PCDHA3: variants seen among roughly 807,000 people sequenced by gnomAD.
The protein encoded by PCDHA3 is protocadherin alpha 3, also known as protocadherin alpha-3.
A neutral mutation model predicts 62.2 loss-of-function variants in PCDHA3; 41 were observed. The observed-to-expected ratio is 0.66, with a 90% CI of 0.51 to 0.86. The LOEUF (loss-of-function observed/expected upper bound fraction) is 0.86, where lower values mean the gene tolerates loss of function less well. Among genes scored for constraint, PCDHA3 ranks in the 40% least tolerant of loss-of-function variants. The pLI is 0.00. For missense variants in PCDHA3, 1,304 were observed against 1,241.2 expected, an observed-to-expected ratio of 1.05 and a Z score of -0.76; for synonymous variants, 640 against 555.4, an observed-to-expected ratio of 1.15 and a Z score of -2.14.
chr5:140,829,503 G>A (rs2150169106), intron 1 of PCDHA3: 5 of 1,613,554 alleles, frequency 3.1e-6, no homozygotes, highest in Middle Eastern at 1.8e-4. Flanking sequence ...AACCCGCCGG[G>A]CTGCCACATC....
At chr5:140,909,505 G>A (rs2074548695) in intron 1 of PCDHA3, among the ~76,000 whole-genome samples, 1 of 152,168 alleles carries the variant, frequency 6.6e-6, no homozygotes. Flanking sequence ...GGATGTGGTG[G>A]GAATCACAAC....
intron 1 of PCDHA3, among the ~76,000 whole-genome samples, chr5:140,973,052 G>C (rs114678656): frequency 0.013 from 2,011 of 152,210 alleles, 55 homozygotes; most frequent in African/African-American, 0.046. Flanking sequence ...TAGTAGATTT[G>C]TCCAACAGTG....
chr5:140,858,784 T>C (rs1554152015), intron 1 of PCDHA3: 8 of 401,650 alleles, frequency 2.0e-5, no homozygotes, highest in Non-Finnish European at 3.6e-5. Context: ...TACTTCATGT[T>C]ATTTCATTTC....
chr5:140,815,311 A>G (rs2150039316), intron 1 of PCDHA3: 1 of 152,120 alleles, frequency 6.6e-6, no homozygotes, highest in African/African-American at 2.4e-5. Context: ...TGAGAATTGT[A>G]ATGCTATGTT....
chr5:140,969,385 C>T, intron 1 of PCDHA3: 1 of 1,598,120 alleles, frequency 6.3e-7, no homozygotes, highest in Non-Finnish European at 8.5e-7. Flanking sequence ...TTACACATCC[C>T]CCAATATCCT....
At chr5:140,877,766 C>T in intron 1 of PCDHA3, 2 of 1,614,186 alleles carry the variant, frequency 1.2e-6, no homozygotes, top group South Asian at 2.2e-5. Flanking sequence ...GAGAGCCCGC[C>T]CAAGACGGAC....
intron 1 of PCDHA3, chr5:140,967,749 C>A (rs1554229896): frequency 1.2e-6 from 2 of 1,614,172 alleles, no homozygotes; most frequent in Non-Finnish European, 1.7e-6. Context: ...TATGAGGAAG[C>A]CTCCTCCTAC....
At position 140,926,602 on chromosome 5, in the gene PCDHA3, C is replaced by T. The variant is rs1326525373; in HGVS notation, c.2395-52347C>T. 9 of 324,032 alleles carry T rather than the reference C, an allele frequency of 2.8e-5. No homozygotes were observed. The East Asian group carries it at 4.7e-4, about 17-fold the overall frequency. The allele number at this position is 324,032 out of a possible 1,614,324, so 20.1% of individuals were successfully genotyped here. On this transcript the variant is annotated intron_variant, in intron 1 of 3. Coordinates refer to ENST00000522353, the MANE Select transcript of PCDHA3 (RefSeq NM_018906.3). ...CCTCTCGCGCCCGGGCGGGCGGCCT[C>T]GTCTCTGCACCCCTAGGCGGCGCTG...
chr5:140,822,417 T>G lies in PCDHA3; in HGVS notation c.2394+18826T>G, dbSNP rs17844289. On this transcript the variant is annotated intron_variant, in intron 1 of 3. Transcript: ENST00000522353. Reference sequence around the variant, plus strand: ...AACACCGTTTATTAGTGATTGCAACTGATGGAGGAAAACCCGAACTAACAG... The same window carrying G: ...AACACCGTTTATTAGTGATTGCAACGGATGGAGGAAAACCCGAACTAACAG... 216 of 1,614,062 alleles carry G rather than the reference T, an allele frequency of 1.3e-4. 3 individuals carry two copies. The East Asian group carries it at 4.7e-3, about 35-fold the overall frequency.
At chr5:140,931,057 T>C (rs1554208231) in intron 1 of PCDHA3, among the ~76,000 whole-genome samples, 1 of 152,196 alleles carries the variant, frequency 6.6e-6, no homozygotes, top group Admixed American at 6.5e-5. Context: ...CAATGCTGTG[T>C]CTGGGACTAA....
intron 1 of PCDHA3, among the ~76,000 whole-genome samples, chr5:140,970,416 G>A (rs536181177): frequency 2.4e-4 from 36 of 152,326 alleles, no homozygotes; most frequent in African/African-American, 8.2e-4. Context: ...CTACAGTAAG[G>A]TGTAGAGGCA....
At chr5:140,890,526 ATCT>A (rs2062679933) in intron 1 of PCDHA3, among the ~76,000 whole-genome samples, 1 of 151,278 alleles carries the variant, frequency 6.6e-6, no homozygotes, top group Admixed American at 6.6e-5. Flanking sequence ...TCCTTTGTTG[ATCT>A]TCTTTTGAAA....
At chr5:140,928,293 G>A (rs782241081) in intron 1 of PCDHA3, 1 of 1,614,150 alleles carries the variant, frequency 6.2e-7, no homozygotes, top group South Asian at 1.1e-5. Flanking sequence ...TAGGCCGAGT[G>A]TTTGCCCAGG....
rs2150160897 is a variant in PCDHA3, at chr5:140,828,930, CT to C, written c.2394+25343del. ...GGAGCGAATGGGGCAATTTCATATT[CT>C]TTTAATAGCCTTGTTGCAGCCATGG... On this transcript the variant is annotated intron_variant, in intron 1 of 3. Coordinates refer to ENST00000522353, the MANE Select transcript of PCDHA3 (RefSeq NM_018906.3). The C allele has an allele frequency of 5.6e-6, 9 of 1,614,116 alleles. No individual in the cohort carries two copies. In the South Asian group the frequency reaches 8.8e-5, roughly 16 times the overall value.
intron 1 of PCDHA3, among the ~76,000 whole-genome samples, chr5:140,941,284 TTCTCTTTC>T (rs1330714341): frequency 4.0e-5 from 5 of 124,574 alleles, no homozygotes; most frequent in African/African-American, 1.4e-4. Context: ...CTTCCTTCCT[TTCTCTTTC>T]TTTCTTTCTT....
intron 1 of PCDHA3, among the ~76,000 whole-genome samples, chr5:140,821,045 G>C (rs1445843647): frequency 1.3e-5 from 2 of 151,900 alleles, no homozygotes; most frequent in African/African-American, 4.8e-5. Context: ...AGAAACTCAG[G>C]TAAGAATGCC....
intron 1 of PCDHA3, chr5:140,869,015 A>G (rs2050795044): frequency 6.6e-7 from 1 of 1,524,382 alleles, no homozygotes; most frequent in Non-Finnish European, 8.8e-7. Flanking sequence ...GAAACTTCTT[A>G]AGAATTCAAC....
At chr5:140,812,904 C>T (rs2126642538) in intron 1 of PCDHA3, 3 of 152,164 alleles carry the variant, frequency 2.0e-5, no homozygotes, top group Admixed American at 6.5e-5. Flanking sequence ...AACAGAATTT[C>T]GTTCAAAATT....
chr5:140,847,482 A>G (rs1283020613), intron 1 of PCDHA3: 1 of 149,956 alleles, frequency 6.7e-6, no homozygotes, highest in Non-Finnish European at 1.5e-5. Flanking sequence ...TTGGAATAAG[A>G]TAGTAAAACT....
Sources: allele counts gnomAD v4.1 joint callset (sites outside exome capture counted in the v4.1 genomes callset), GRCh38; gene constraint gnomAD v4.1.1; transcripts MANE v1.5; gene names NCBI Gene and HGNC (gene_info 2026-07-23, HGNC 2026-07-21).